The following SYT1 variants were observed in gnomAD, a reference collection of about 807,000 sequenced individuals.
SYT1 encodes synaptotagmin-1.
A neutral mutation model predicts 44.8 loss-of-function variants in SYT1; 8 were observed. That is an observed-to-expected ratio of 0.18 (90% CI 0.10 to 0.32). The LOEUF is 0.32. Among genes scored for constraint, SYT1 ranks in the 10% least tolerant of loss-of-function variants. The pLI is 1.00. For synonymous variants in SYT1, 154 were observed against 188.8 expected, an observed-to-expected ratio of 0.82 and a Z score of 1.51; for missense variants, 286 against 509.3, an observed-to-expected ratio of 0.56 and a Z score of 4.22.
rs7297601 is a variant in SYT1, at chr12:79,045,119, C to T, written c.-83-2178C>T. ...CAGAGGTGGAGCCTACAGAGGCAGG[C>T]AGGCCTCCTTGAGCTGTGGTGGGCT... On this transcript the variant is annotated intron_variant, in intron 2 of 10. Coordinates refer to ENST00000261205, the MANE Select transcript of SYT1 (RefSeq NM_005639.3). Among the ~76,000 whole-genome samples, 1,438 of 152,240 alleles carry T rather than the reference C, an allele frequency of 9.4e-3. 25 individuals carry two copies. Among genetic ancestry groups the T allele is most frequent in the East Asian group, 0.065 (335 of 5,132 alleles).
intron 3 of SYT1, among the ~76,000 whole-genome samples, chr12:79,150,592 C>A (rs1870209843): frequency 6.6e-6 from 1 of 152,032 alleles, no homozygotes; most frequent in Admixed American, 6.6e-5. Context: ...TTTAAATGGG[C>A]ACTGAACTGT....
chr12:79,245,009 A>G (rs1459649432), intron 4 of SYT1, among the ~76,000 whole-genome samples: 1 of 152,182 alleles, frequency 6.6e-6, no homozygotes, highest in Non-Finnish European at 1.5e-5. Flanking sequence ...TATTATGGCT[A>G]CAAGATAAGG....
intron 3 of SYT1, among the ~76,000 whole-genome samples, chr12:79,106,130 C>G (rs1046965256): frequency 3.3e-5 from 5 of 152,088 alleles, no homozygotes; most frequent in Non-Finnish European, 7.4e-5. Context: ...ATCCAGCAAG[C>G]AGTTGGAAAT....
chr12:79,194,509 A>T (rs1413303252), intron 3 of SYT1, among the ~76,000 whole-genome samples: 1 of 151,776 alleles, frequency 6.6e-6, no homozygotes, highest in Non-Finnish European at 1.5e-5. Flanking sequence ...TGCCCAGGCT[A>T]GTCTTGAACT....
intron 4 of SYT1, among the ~76,000 whole-genome samples, chr12:79,259,322 A>G (rs1310025008): frequency 1.3e-5 from 2 of 152,248 alleles, no homozygotes; most frequent in Non-Finnish European, 2.9e-5. Flanking sequence ...TTTAAATGTT[A>G]CAAATACAAT....
chr12:79,432,659 G>A (rs926858491), intron 9 of SYT1, among the ~76,000 whole-genome samples: 13 of 152,016 alleles, frequency 8.6e-5, no homozygotes, highest in Non-Finnish European at 1.9e-4. Flanking sequence ...TGTCACCCAG[G>A]CTGGAGTGCA....
At chr12:79,140,193 T>C (rs1869467658) in intron 3 of SYT1, among the ~76,000 whole-genome samples, 1 of 151,800 alleles carries the variant, frequency 6.6e-6, no homozygotes, top group Non-Finnish European at 1.5e-5. Flanking sequence ...ATAATAACCA[T>C]ATAATATTCC....
rs1366976142 is a variant in SYT1, at chr12:79,430,187, G to T, written c.929-13886G>T. ...GAATTAACAAAACGTTAGTTCTCTA[G>T]CTGTAAAACTTGTTTGTACTCCCTG... is the stretch of plus-strand genomic sequence containing the variant. On this transcript the variant is annotated intron_variant, in intron 9 of 10. Transcript: ENST00000261205. 2.0e-5 allele frequency among the ~76,000 whole-genome samples: 3 copies of T among 152,158 alleles called. 1 individual carries two copies. The highest frequency in any genetic ancestry group is 4.4e-5 in the Non-Finnish European group (3 of 68,030).
At chr12:79,279,153 A>G (rs1436336574) in intron 4 of SYT1, among the ~76,000 whole-genome samples, 1 of 152,096 alleles carries the variant, frequency 6.6e-6, no homozygotes, top group Admixed American at 6.6e-5. Context: ...TCCCTAACTC[A>G]TTCTACAAAG....
At chr12:79,286,213 G>C (rs993416713) in intron 5 of SYT1, among the ~76,000 whole-genome samples, 1 of 152,140 alleles carries the variant, frequency 6.6e-6, no homozygotes, top group Non-Finnish European at 1.5e-5. Context: ...GGCCCATCTT[G>C]ATGGGTTTGG....
At chr12:79,296,026 T>A in intron 6 of SYT1, 43 bp from the exon 7 acceptor site, 1 of 1,558,420 alleles carries the variant, frequency 6.4e-7, no homozygotes, top group East Asian at 2.3e-5. Context: ...TTCCAAAATG[T>A]CCACTGATAT....
At chr12:78,902,593 GTAT>G (rs1299537433) in intron 1 of SYT1, among the ~76,000 whole-genome samples, 3 of 152,060 alleles carry the variant, frequency 2.0e-5, no homozygotes, top group Admixed American at 2.0e-4. Context: ...ATGAATATCA[GTAT>G]TATTATATTT....
intron 9 of SYT1, among the ~76,000 whole-genome samples, chr12:79,421,394 G>C (rs1327498064): frequency 6.6e-6 from 1 of 152,080 alleles, no homozygotes; most frequent in Non-Finnish European, 1.5e-5. Flanking sequence ...TAGAGAGTCT[G>C]TGCTTCTGAA....
chr12:79,312,209 C>A (rs1167880483), intron 8 of SYT1, among the ~76,000 whole-genome samples: 3 of 148,776 alleles, frequency 2.0e-5, no homozygotes, highest in African/African-American at 7.8e-5. Flanking sequence ...GAAATTAAAA[C>A]CCCTTATTAT....
intron 8 of SYT1, among the ~76,000 whole-genome samples, chr12:79,305,907 G>A (rs1414163597): frequency 6.6e-6 from 1 of 152,164 alleles, no homozygotes; most frequent in East Asian, 1.9e-4. Context: ...ATGTTGGCCA[G>A]CCTGGTCTCG....
chr12:79,293,551 A>G (rs911868650), intron 6 of SYT1, among the ~76,000 whole-genome samples: 1 of 152,122 alleles, frequency 6.6e-6, no homozygotes. Flanking sequence ...GCATGTGCTA[A>G]TGATTTCCAG....
chr12:79,056,533 T>G (rs926283243), intron 3 of SYT1, among the ~76,000 whole-genome samples: 1 of 152,010 alleles, frequency 6.6e-6, no homozygotes, highest in African/African-American at 2.4e-5. Context: ...CAAAAATGCT[T>G]TCTATCTTAT....
At chr12:79,175,742 A>G (rs1374327385) in intron 3 of SYT1, among the ~76,000 whole-genome samples, 1 of 152,034 alleles carries the variant, frequency 6.6e-6, no homozygotes, top group Non-Finnish European at 1.5e-5. Flanking sequence ...ATCACTAAAG[A>G]GTTTACCCAT....
At chr12:79,101,799 C>A (rs1442537146) in intron 3 of SYT1, among the ~76,000 whole-genome samples, 1 of 151,974 alleles carries the variant, frequency 6.6e-6, no homozygotes, top group Admixed American at 6.6e-5. Flanking sequence ...CCCAGCTACT[C>A]GAGGGCTGAG....
Sources: gnomAD v4.1 joint callset for allele counts (sites outside exome capture counted in the v4.1 genomes callset) on GRCh38, gnomAD v4.1.1 for gene constraint, MANE v1.5 for transcripts, NCBI Gene and HGNC (gene_info 2026-07-23, HGNC 2026-07-21) for gene names.